Variants in LITAF observed in about 807,000 individuals in gnomAD.
LITAF encodes the protein lipopolysaccharide-induced tumor necrosis factor-alpha factor.
A neutral mutation model predicts 14.5 loss-of-function variants in LITAF; 9 were observed. The observed-to-expected ratio is 0.62, with a 90% CI of 0.37 to 1.08. The LOEUF is 1.08. LITAF is among the 50% of genes least tolerant of loss of function. The probability of loss-of-function intolerance (pLI) is 0.01; values close to 1 mark genes in which losing one functional copy is unlikely to be tolerated. For missense variants in LITAF, 206 were observed against 213.4 expected (o/e 0.97, Z 0.22); for synonymous variants, 98 against 88.2 (o/e 1.11, Z -0.62).
At chr16:11,629,651 G>A (rs1047696934) in intron 3 of LITAF, among the ~76,000 whole-genome samples, 4 of 152,178 alleles carry the variant, frequency 2.6e-5, no homozygotes, top group Non-Finnish European at 5.9e-5. Context: ...CTGCTTTTGG[G>A]GAAGGAGCTC....
intron 3 of LITAF, among the ~76,000 whole-genome samples, chr16:11,629,398 A>C (rs2065104850): frequency 6.6e-6 from 1 of 152,200 alleles, no homozygotes; most frequent in Non-Finnish European, 1.5e-5. Context: ...CAGGAGGAAG[A>C]ACAGCAGACA....
upstream of LITAF, among the ~76,000 whole-genome samples, chr16:11,599,188 G>A (rs980992152): frequency 6.6e-6 from 1 of 151,834 alleles, no homozygotes; most frequent in Middle Eastern, 3.4e-3. Flanking sequence ...GTGCGATCTC[G>A]GCTCACTGCA....
chr16:11,566,610 A>C (rs1405965112), intron 1 of LITAF, among the ~76,000 whole-genome samples: 4 of 152,122 alleles, frequency 2.6e-5, no homozygotes, highest in African/African-American at 9.7e-5. Context: ...CTAACAATCA[A>C]ACAAATCAGC....
At position 11,553,330 on chromosome 16, in the gene LITAF, G is replaced by T; in HGVS notation, c.377+203C>A. 1 of 588,318 alleles carries T rather than the reference G, an allele frequency of 1.7e-6. No homozygotes were observed. Among genetic ancestry groups the T allele is most frequent in the South Asian group, 1.9e-5 (1 of 53,330 alleles). 36.4% of individuals were successfully genotyped at this position (588,318 alleles called of 1,614,324 possible). On this transcript the variant is annotated intron_variant, in intron 3 of 3. Transcript: ENST00000622633. The surrounding 1 kb of genome is among the most constrained non-coding windows in gnomAD (Gnocchi z 7.7). ...GGACGCTAAGGCAGGAGAATCGTTT[G>T]AACCTGAGCAGTGGGGGTTACAGTG...
At chr16:11,582,519 C>T (rs1222637112) in intron 1 of LITAF, among the ~76,000 whole-genome samples, 2 of 152,088 alleles carry the variant, frequency 1.3e-5, no homozygotes, top group Non-Finnish European at 2.9e-5. Context: ...ATCGATTCTT[C>T]CAGGAAGAAA....
chr16:11,631,772 A>G (rs1490995558), intron 3 of LITAF, among the ~76,000 whole-genome samples: 1 of 151,628 alleles, frequency 6.6e-6, no homozygotes, highest in Non-Finnish European at 1.5e-5. Context: ...TGGGTTTAGA[A>G]CCCACCCTAA....
In LITAF at chr16:11,547,955, C is replaced by G. The variant is rs1255649372; in HGVS notation, c.*1682G>C. 2 of 454,114 alleles carry G rather than the reference C, an allele frequency of 4.4e-6. No individual in the cohort carries two copies. The highest frequency in any genetic ancestry group is 8.8e-6 in the Non-Finnish European group (2 of 226,800). The allele number at this position is 454,114 out of a possible 1,614,324, so 28.1% of individuals were successfully genotyped here. The stretch of plus-strand genomic sequence containing the variant: ...TTCTTTGTAGCAATGGCTGGAAATG[C>G]AACATGAGCCCTTTCTTCACACCAA... On this transcript the variant is annotated 3_prime_UTR_variant, in exon 4 of 4. Coordinates refer to ENST00000622633, the MANE Select transcript of LITAF (RefSeq NM_001136472.2).
chr16:11,599,427 G>A (rs1792012352), upstream of LITAF, among the ~76,000 whole-genome samples: 1 of 152,196 alleles, frequency 6.6e-6, no homozygotes, highest in Middle Eastern at 3.4e-3. Context: ...TGATGATGGT[G>A]TTGCTATTGA....
chr16:11,639,483 A>G (rs2065155836), upstream of LITAF, among the ~76,000 whole-genome samples: 1 of 152,000 alleles, frequency 6.6e-6, no homozygotes. Flanking sequence ...GGATGGATGA[A>G]TGGATGGATA....
intron 2 of LITAF, 83 bp downstream of exon 2, chr16:11,556,428 G>T: frequency 8.2e-7 from 1 of 1,218,962 alleles, no homozygotes; most frequent in Non-Finnish European, 1.2e-6. Context: ...TAGACTCTTT[G>T]GCAGAGTCAC....
At chr16:11,552,299 G>C (rs1012881129) in intron 3 of LITAF, among the ~76,000 whole-genome samples, 1 of 152,138 alleles carries the variant, frequency 6.6e-6, no homozygotes, top group African/African-American at 2.4e-5. Flanking sequence ...ACAAAAAATT[G>C]ATTGTGTTTC....
intron 1 of LITAF, among the ~76,000 whole-genome samples, chr16:11,579,521 AAATAAAATAT>A (rs2064701089): frequency 3.0e-5 from 4 of 132,500 alleles, no homozygotes; most frequent in Middle Eastern, 3.9e-3. Context: ...AAATAAAATA[AAATAAAATAT>A]ATCAATGCAA....
chr16:11,578,506 G>C (rs1347124700), intron 1 of LITAF, among the ~76,000 whole-genome samples: 1 of 152,180 alleles, frequency 6.6e-6, no homozygotes, highest in East Asian at 1.9e-4. Flanking sequence ...ACTGTAGCCT[G>C]GGCAACAAGA....
At chr16:11,572,267 C>A (rs1038394053) in intron 1 of LITAF, among the ~76,000 whole-genome samples, 10 of 152,056 alleles carry the variant, frequency 6.6e-5, no homozygotes, top group African/African-American at 2.4e-4. Flanking sequence ...TGCACGAAGC[C>A]CTTGTGGTTC....
intron 1 of LITAF, among the ~76,000 whole-genome samples, chr16:11,563,334 G>A (rs2064402674): frequency 6.6e-6 from 1 of 151,998 alleles, no homozygotes; most frequent in Non-Finnish European, 1.5e-5. Context: ...TTTTTTAGTA[G>A]AGACAGGGTT....
rs576217456 is a variant in LITAF, at chr16:11,549,036, T to A, written c.*601A>T. 2.2e-6 allele frequency: 1 copy of A among 449,938 alleles called. No homozygotes were observed. Among genetic ancestry groups the A allele is most frequent in the South Asian group, 1.6e-5 (1 of 64,174 alleles). The allele number at this position is 449,938 out of a possible 1,614,324, so 27.9% of individuals were successfully genotyped here. A position where few individuals can be genotyped will look rare whatever the true frequency, so the allele number is the denominator to read the frequency against. On this transcript the variant is annotated 3_prime_UTR_variant, in exon 4 of 4. Coordinates refer to ENST00000622633, the MANE Select transcript of LITAF (RefSeq NM_001136472.2). The surrounding 1 kb of genome is among the most constrained non-coding windows in gnomAD (Gnocchi z 4.6). Reference sequence around the variant, plus strand: ...TGGATATGTCTGTACTGGGTGTTAATAGCCCCCTCCTTGTATTTAAAAAAA... The same window carrying A: ...TGGATATGTCTGTACTGGGTGTTAAAAGCCCCCTCCTTGTATTTAAAAAAA...
At chr16:11,627,133 C>T (rs985961736) in intron 3 of LITAF, among the ~76,000 whole-genome samples, 1 of 152,206 alleles carries the variant, frequency 6.6e-6, no homozygotes, top group Admixed American at 6.5e-5. Context: ...CATGACCAAG[C>T]CTGGCCAGTG....
intron 3 of LITAF, among the ~76,000 whole-genome samples, chr16:11,603,907 C>A (rs2064941207): frequency 3.9e-5 from 6 of 152,010 alleles, no homozygotes; most frequent in Admixed American, 3.9e-4. Flanking sequence ...ATTACCCAGG[C>A]GTGGTGGCGG....
chr16:11,573,861 C>A (rs753782095), intron 1 of LITAF, among the ~76,000 whole-genome samples: 1 of 151,854 alleles, frequency 6.6e-6, no homozygotes, highest in African/African-American at 2.4e-5. Context: ...ACCACCACAC[C>A]CAGCTAATTT....
Sources: gnomAD v4.1 joint callset for allele counts (sites outside exome capture counted in the v4.1 genomes callset) on GRCh38, gnomAD v4.1.1 for gene constraint, Gnocchi (gnomAD v3.1) non-coding constraint, MANE v1.5 for transcripts, NCBI Gene and HGNC (gene_info 2026-07-23, HGNC 2026-07-21) for gene names.